The following DNAH8 variants were observed in gnomAD, a reference collection of about 807,000 sequenced individuals.
DNAH8 encodes the protein axonemal beta dynein heavy chain 8.
In DNAH8, 382 loss-of-function variants were observed where a neutral mutation model predicts 562.1. The ratio of observed to expected loss-of-function variants is 0.68; its 90% CI spans 0.63 to 0.74. The LOEUF (loss-of-function observed/expected upper bound fraction) is 0.74, where lower values mean the gene tolerates loss of function less well. DNAH8 is among the 30% of genes least tolerant of loss of function. The pLI is 0.00. For missense variants in DNAH8, 5,203 were observed against 5,620.4 expected, an observed-to-expected ratio of 0.93 and a Z score of 2.37; for synonymous variants, 1,881 against 1,919.4, an observed-to-expected ratio of 0.98 and a Z score of 0.52.
intron 8 of DNAH8, among the ~76,000 whole-genome samples, chr6:38,748,872 C>T (rs1765183811): frequency 6.6e-6 from 1 of 151,600 alleles, no homozygotes; most frequent in African/African-American, 2.4e-5. Flanking sequence ...AAAGACTTAA[C>T]AGTTTTAGTT....
intron 53 of DNAH8, among the ~76,000 whole-genome samples, chr6:38,882,107 AGT>A (rs1249629008): frequency 6.6e-6 from 1 of 152,186 alleles, no homozygotes; most frequent in Non-Finnish European, 1.5e-5. Flanking sequence ...CTACACTGCT[AGT>A]GGGAATGTAA....
Position 38,924,128 on chromosome 6 carries a change from T to C in DNAH8, c.10928T>C (p.Leu3643Pro). ...CGGAAAATTCCTTTCACAGAAAACC[T>C]GAATCTTATTTCAATGTTGGTGGAT... is the stretch of plus-strand genomic sequence containing the variant. ...RARKIPFTEN[L>P]NLISMLVDPP... Residue 3643 changes from leucine (L) to proline (P), a missense_variant, in exon 73 of 93, where the codon CTG (leucine) becomes CCG (proline). Physicochemically the swap from Leu to Pro is moderately conservative, Grantham distance 98 (BLOSUM62 -3). Transcript: ENST00000327475. 2 of 1,613,950 alleles carry C rather than the reference T, an allele frequency of 1.2e-6. No individual in the cohort carries two copies. Among genetic ancestry groups the C allele is most frequent in the Admixed American group, 3.3e-5 (2 of 60,012 alleles).
At chr6:38,957,334 G>A (rs1576751) in intron 82 of DNAH8, among the ~76,000 whole-genome samples, 87,935 of 148,546 alleles carry the variant, frequency 0.59, 26,293 homozygotes, top group East Asian at 0.85. Context: ...TAATAAAAAT[G>A]TAAATATTAA....
chr6:38,805,176 C>T (rs1771154324), intron 22 of DNAH8, among the ~76,000 whole-genome samples: 1 of 152,084 alleles, frequency 6.6e-6, no homozygotes, highest in Admixed American at 6.5e-5. Flanking sequence ...AGTTGGAAAA[C>T]TCAAAAGATA....
intron 11 of DNAH8, among the ~76,000 whole-genome samples, chr6:38,765,608 G>A (rs1178303836): frequency 1.3e-5 from 2 of 152,140 alleles, no homozygotes; most frequent in African/African-American, 2.4e-5. Context: ...TGACCATAAT[G>A]CATGGATTTA....
At position 38,754,827 on chromosome 6, in the gene DNAH8, A is replaced by G. The variant is rs145981554; in HGVS notation, c.1408-1145A>G. Among the ~76,000 whole-genome samples the G allele has an allele frequency of 1.7e-3, 256 of 152,248 alleles. 1 individual carries two copies. Among genetic ancestry groups the G allele is most frequent in the African/African-American group, 5.5e-3 (229 of 41,566 alleles). ...TTCTAAGACTTTTTTTCACATTTTA[A>G]TATCCCTGAACTCAGGACATACTTT... On this transcript the variant is annotated intron_variant, in intron 9 of 92. Transcript: ENST00000327475.
intron 8 of DNAH8, among the ~76,000 whole-genome samples, chr6:38,749,503 C>T (rs1330826712): frequency 1.4e-5 from 2 of 148,124 alleles, no homozygotes; most frequent in Non-Finnish European, 3.0e-5. Context: ...AACAAACCTA[C>T]GCATTCTTCA....
intron 82 of DNAH8, among the ~76,000 whole-genome samples, chr6:38,959,481 T>G (rs934338232): frequency 6.6e-6 from 1 of 152,042 alleles, no homozygotes. Context: ...GACATTGAAC[T>G]ATCTGAAAAA....
Position 38,945,469 on chromosome 6 carries a change from G to A in DNAH8, c.12010G>A (p.Gly4004Arg), listed in dbSNP as rs868826973. Residue 4004 changes from glycine to arginine, a missense_variant and splice_region_variant, in exon 80 of 93, where the codon GGA becomes AGA. Physicochemically the swap from Gly to Arg is moderately radical, Grantham distance 125. This residue lies in a region of DNAH8 where 1,399 missense variants were observed against 1,518.4 expected (regional missense o/e 0.92). Transcript: ENST00000327475. ...CCCTGTCTGACGCTCTTCCCCAGGG[G>A]GAGCAGCTCTGGACCTGAAAGCCTG... ...HREFQALIKG[G>R]AALDLKACPP... 7 of 1,613,930 alleles carry A rather than the reference G, an allele frequency of 4.3e-6. No individual in the cohort carries two copies. Among genetic ancestry groups the A allele is most frequent in the Non-Finnish European group, 5.9e-6 (7 of 1,179,934 alleles).
At chr6:38,838,335 T>C (rs970767821) in intron 33 of DNAH8, among the ~76,000 whole-genome samples, 6 of 152,240 alleles carry the variant, frequency 3.9e-5, no homozygotes, top group Non-Finnish European at 7.3e-5. Context: ...TCAGTGATTA[T>C]GCAGAAGCAC....
In DNAH8 at chr6:39,023,200, A is replaced by AT. The variant is rs200263326; in HGVS notation, c.13715-3346_13715-3345insT. Among the ~76,000 whole-genome samples the AT allele has an allele frequency of 9.4e-3, 1,429 of 152,284 alleles. 29 individuals are homozygous for AT. Among genetic ancestry groups the AT allele is most frequent in the African/African-American group, 0.031 (1,309 of 41,558 alleles). Reference sequence around the variant, plus strand: ...TTTGGTTTAGGAATTATTAAAACTAAATTGTGCCAGCCAGGGGTGCAGTGG... The same window carrying AT: ...TTTGGTTTAGGAATTATTAAAACTAATATTGTGCCAGCCAGGGGTGCAGTGG... On this transcript the variant is annotated intron_variant, in intron 91 of 92. Coordinates refer to ENST00000327475, the MANE Select transcript of DNAH8 (RefSeq NM_001206927.2).
Position 38,868,148 on chromosome 6 carries a change from A to G in DNAH8, c.6780A>G (p.Glu2260=). ...SQKRARPEDS[E]LSIVMRGLRD... ...AAAGAGCCAGACCAGAAGATAGTGA[A>G]TTAAGCATTGTCATGAGAGGACTAA... is the stretch of plus-strand genomic sequence containing the variant. Residue 2260 remains glutamate, a synonymous_variant, in exon 48 of 93, where the codon GAA becomes GAG. Transcript: ENST00000327475. 1 of 1,613,906 alleles carries G rather than the reference A, an allele frequency of 6.2e-7. No homozygotes were observed. The highest frequency in any genetic ancestry group is 8.5e-7 in the Non-Finnish European group (1 of 1,179,836).
chr6:38,760,143 GATTC>G (rs1230244632), intron 10 of DNAH8, among the ~76,000 whole-genome samples: 1 of 151,862 alleles, frequency 6.6e-6, no homozygotes, highest in East Asian at 1.9e-4. Flanking sequence ...TTCCTTCTTG[GATTC>G]ATTATTTCTT....
At chr6:38,745,847 G>A (rs550046436) in intron 8 of DNAH8, among the ~76,000 whole-genome samples, 10 of 152,148 alleles carry the variant, frequency 6.6e-5, no homozygotes, top group Non-Finnish European at 1.2e-4. Context: ...TTGAGGTTAT[G>A]CATCTTTGGT....
chr6:38,840,838 A>G (rs184535698), intron 33 of DNAH8, among the ~76,000 whole-genome samples: 1 of 152,156 alleles, frequency 6.6e-6, no homozygotes, highest in African/African-American at 2.4e-5. Context: ...TTCTTTTTAT[A>G]TACTTTTTTG....
At chr6:38,927,415 C>T (rs1314659539) in intron 74 of DNAH8, among the ~76,000 whole-genome samples, 1 of 152,174 alleles carries the variant, frequency 6.6e-6, no homozygotes, top group African/African-American at 2.4e-5. Context: ...TACTCCAGAA[C>T]ACGATACATC....
chr6:39,013,274 T>A (rs1340407454), intron 91 of DNAH8, among the ~76,000 whole-genome samples: 4 of 152,266 alleles, frequency 2.6e-5, no homozygotes, highest in African/African-American at 9.6e-5. Flanking sequence ...CTTCAAGTAA[T>A]TCTTGGTGAA....
Position 38,999,503 on chromosome 6 carries a change from T to C in DNAH8, c.13215-9311T>C, listed in dbSNP as rs1765342759. On this transcript the variant is annotated intron_variant, in intron 88 of 92. Transcript: ENST00000327475. ...TTTTCTTGTCTTTAATCATTAAAGA[T>C]CTGCATTGATAAAATAATAAGAAGA... is the stretch of plus-strand genomic sequence containing the variant. Among the ~76,000 whole-genome samples the C allele has an allele frequency of 2.0e-5, 3 of 151,922 alleles. No individual in the cohort carries two copies. The South Asian group carries it at 6.2e-4, about 32-fold the overall frequency.
Position 38,923,198 on chromosome 6 carries a change from G to C in DNAH8, c.10790+13G>C, listed in dbSNP as rs1417639591. On this transcript the variant is annotated intron_variant, in intron 72 of 92. Transcript: ENST00000327475. ...CTCAGATTAATAGGTGGGAATCTGG[G>C]TCTTCTTCATAATCACTCTTTCTTT... is the stretch of plus-strand genomic sequence containing the variant. 16 of 1,611,608 alleles carry C rather than the reference G, an allele frequency of 9.9e-6. No individual in the cohort carries two copies. The highest frequency in any genetic ancestry group is 1.2e-5 in the Non-Finnish European group (14 of 1,179,222).
Sources: allele counts gnomAD v4.1 joint callset (sites outside exome capture counted in the v4.1 genomes callset), GRCh38; gene constraint gnomAD v4.1.1; regional missense constraint gnomAD v4.1.1; transcripts MANE v1.5; gene names NCBI Gene and HGNC (gene_info 2026-07-23, HGNC 2026-07-21).